The following CDKAL1 variants were observed in gnomAD, a reference collection of about 807,000 sequenced individuals.
The protein encoded by CDKAL1 is CDKAL1 threonylcarbamoyladenosine tRNA methylthiotransferase.
A neutral mutation model predicts 68.2 loss-of-function variants in CDKAL1; 32 were observed. That is an observed-to-expected ratio of 0.47 (90% CI 0.35 to 0.63). CDKAL1 has a LOEUF of 0.63. CDKAL1 is among the 30% of genes least tolerant of loss of function. The probability of loss-of-function intolerance (pLI) is 0.00; values close to 1 mark genes in which losing one functional copy is unlikely to be tolerated. For missense variants in CDKAL1, 606 were observed against 696.7 expected (o/e 0.87, Z 1.47); for synonymous variants, 234 against 244.3 (o/e 0.96, Z 0.39).
At chr6:21,074,828 A>G (rs1170214095) in intron 12 of CDKAL1, among the ~76,000 whole-genome samples, 1 of 152,068 alleles carries the variant, frequency 6.6e-6, no homozygotes, top group African/African-American at 2.4e-5. Flanking sequence ...AAATTTCAAT[A>G]ACTTTAGGAG....
chr6:20,746,157 T>G (rs1420016201), intron 6 of CDKAL1, among the ~76,000 whole-genome samples: 7 of 152,186 alleles, frequency 4.6e-5, no homozygotes, highest in Non-Finnish European at 4.4e-5. Context: ...CCAATCCTCA[T>G]TTTACTGGCA....
At chr6:21,118,395 T>G (rs2151004589) in intron 13 of CDKAL1, among the ~76,000 whole-genome samples, 1 of 152,292 alleles carries the variant, frequency 6.6e-6, no homozygotes, top group Non-Finnish European at 1.5e-5. Context: ...TCTGCCTTTG[T>G]CTTCCTCAGC....
intron 8 of CDKAL1, among the ~76,000 whole-genome samples, chr6:20,824,425 A>G (rs971771733): frequency 2.0e-5 from 3 of 152,154 alleles, no homozygotes; most frequent in African/African-American, 7.2e-5. Flanking sequence ...TGCAAGAACT[A>G]GAGTCTTACC....
chr6:20,690,647 TA>T (rs1267738983), intron 5 of CDKAL1, among the ~76,000 whole-genome samples: 212 of 152,262 alleles, frequency 1.4e-3, no homozygotes, highest in African/African-American at 4.5e-3. Context: ...ATTTTTTTTA[TA>T]TTTTTTTGAT....
At chr6:20,795,803 T>G (rs1054988701) in intron 8 of CDKAL1, among the ~76,000 whole-genome samples, 5 of 152,224 alleles carry the variant, frequency 3.3e-5, no homozygotes, top group African/African-American at 1.2e-4. Flanking sequence ...ATATACTACC[T>G]GAGTGTCAAA....
chr6:20,749,097 T>C (rs763981980), intron 6 of CDKAL1, among the ~76,000 whole-genome samples: 1 of 152,178 alleles, frequency 6.6e-6, no homozygotes, highest in African/African-American at 2.4e-5. Context: ...GCCAGATTCA[T>C]GCAGTCTTAA....
intron 9 of CDKAL1, among the ~76,000 whole-genome samples, chr6:20,862,647 G>C (rs923871254): frequency 3.3e-5 from 5 of 150,162 alleles, no homozygotes; most frequent in African/African-American, 1.0e-4. Context: ...GTGTGTGTGT[G>C]TGTGTGTGTG....
intron 4 of CDKAL1, among the ~76,000 whole-genome samples, chr6:20,619,393 ATAAC>A (rs1338031777): frequency 1.3e-5 from 2 of 152,226 alleles, no homozygotes; most frequent in Non-Finnish European, 2.9e-5. Context: ...TATCACAAAA[ATAAC>A]TATGTGAGGT....
chr6:21,105,609 G>T (rs1320449958), intron 12 of CDKAL1, among the ~76,000 whole-genome samples: 1 of 152,210 alleles, frequency 6.6e-6, no homozygotes, highest in Non-Finnish European at 1.5e-5. Context: ...CTAGGCGGGG[G>T]TATGCGGCAT....
At chr6:20,872,488 A>G (rs1760275947) in intron 9 of CDKAL1, among the ~76,000 whole-genome samples, 1 of 152,212 alleles carries the variant, frequency 6.6e-6, no homozygotes, top group African/African-American at 2.4e-5. Flanking sequence ...GGTTTAGAAG[A>G]TGATAGAGTT....
chr6:20,672,889 G>C (rs1769915608), intron 5 of CDKAL1, among the ~76,000 whole-genome samples: 1 of 152,024 alleles, frequency 6.6e-6, no homozygotes, highest in Non-Finnish European at 1.5e-5. Flanking sequence ...TGATTCTCCT[G>C]CCTCAGCCTC....
chr6:20,717,139 T>G (rs2127839129), intron 5 of CDKAL1, among the ~76,000 whole-genome samples: 1 of 151,916 alleles, frequency 6.6e-6, no homozygotes, highest in Admixed American at 6.6e-5. Context: ...TTTGAGTGGG[T>G]TTTAAACAGA....
At chr6:21,057,140 C>G (rs1770880332) in intron 11 of CDKAL1, among the ~76,000 whole-genome samples, 1 of 152,174 alleles carries the variant, frequency 6.6e-6, no homozygotes, top group African/African-American at 2.4e-5. Context: ...AGCTGTAAAT[C>G]CATCTGGTCC....
chr6:20,799,058 T>TTTTTTTTG, intron 8 of CDKAL1, among the ~76,000 whole-genome samples: 1 of 126,446 alleles, frequency 7.9e-6, no homozygotes, highest in African/African-American at 3.0e-5. Flanking sequence ...TTTTTTTTTT[T>TTTTTTTTG]TTTTTTTTTT....
At chr6:21,191,383 G>A (rs1417057235) in intron 13 of CDKAL1, among the ~76,000 whole-genome samples, 1 of 152,204 alleles carries the variant, frequency 6.6e-6, no homozygotes, top group Non-Finnish European at 1.5e-5. Flanking sequence ...AAGCATAGAT[G>A]TGACACAAAT....
At chr6:20,702,260 T>C (rs1771400067) in intron 5 of CDKAL1, among the ~76,000 whole-genome samples, 1 of 152,086 alleles carries the variant, frequency 6.6e-6, no homozygotes. Context: ...CCCATGGCAG[T>C]GTCTAAGGGT....
chr6:20,542,717 A>G (rs1763436343), intron 2 of CDKAL1, among the ~76,000 whole-genome samples: 1 of 152,228 alleles, frequency 6.6e-6, no homozygotes, highest in Admixed American at 6.5e-5. Flanking sequence ...ACAATACAGT[A>G]TCACAACCAG....
At chr6:20,864,624 A>G (rs953917272) in intron 9 of CDKAL1, among the ~76,000 whole-genome samples, 2 of 152,198 alleles carry the variant, frequency 1.3e-5, no homozygotes, top group African/African-American at 4.8e-5. Context: ...ATAAAGTGCT[A>G]CTTAATGATG....
intron 15 of CDKAL1, among the ~76,000 whole-genome samples, chr6:21,223,034 G>A (rs574931878): frequency 1.7e-4 from 26 of 152,208 alleles, no homozygotes; most frequent in African/African-American, 6.0e-4. Context: ...GACAGGTAGC[G>A]TGAAATGTCT....
Sources: gnomAD v4.1 joint callset for allele counts (sites outside exome capture counted in the v4.1 genomes callset) on GRCh38, gnomAD v4.1.1 for gene constraint, MANE v1.5 for transcripts, NCBI Gene and HGNC (gene_info 2026-07-23, HGNC 2026-07-21) for gene names.